The following GNPAT variants were observed in gnomAD, a reference collection of about 807,000 sequenced individuals.
The protein encoded by GNPAT is dihydroxyacetone phosphate acyltransferase.
In GNPAT, 30 loss-of-function variants were observed where a neutral mutation model predicts 78.4. The ratio of observed to expected loss-of-function variants is 0.38; its 90% CI spans 0.29 to 0.52. The LOEUF is 0.52. GNPAT is among the 20% of genes least tolerant of loss of function. The pLI is 0.84. For synonymous variants in GNPAT, 271 were observed against 281.1 expected (o/e 0.96, Z 0.36); for missense variants, 714 against 812.2 (o/e 0.88, Z 1.47).
chr1:231,264,646 T>G (rs967492288), intron 4 of GNPAT, among the ~76,000 whole-genome samples: 6 of 152,232 alleles, frequency 3.9e-5, no homozygotes, highest in African/African-American at 1.4e-4. Context: ...AAAGACTATT[T>G]TAAAACTGCT....
intron 1 of GNPAT, among the ~76,000 whole-genome samples, chr1:231,241,962 C>T (rs1361227634): frequency 1.3e-5 from 2 of 152,238 alleles, no homozygotes; most frequent in African/African-American, 4.8e-5. Context: ...TTTAGAACTT[C>T]TAGACATTTT....
At chr1:231,242,235 G>GT (rs1323598184) in intron 1 of GNPAT, among the ~76,000 whole-genome samples, 2 of 152,088 alleles carry the variant, frequency 1.3e-5, no homozygotes, top group Non-Finnish European at 2.9e-5. Context: ...GTTTCTTGTT[G>GT]TTTTTAACCA....
rs879235776 is a variant in GNPAT at position 231,277,597 on chromosome 1, C to G, written c.*55C>G. ...TCACGTAATTACTCTCATCGAAGGA[C>G]TCATTACAACAAACAGGGAAGTAAA... On this transcript the variant is annotated 3_prime_UTR_variant, in exon 16 of 16. Transcript: ENST00000366647. 1 of 984,260 alleles carries G rather than the reference C, an allele frequency of 1.0e-6. No individual in the cohort carries two copies. Among genetic ancestry groups the G allele is most frequent in the Non-Finnish European group, 1.7e-6 (1 of 604,680 alleles). The allele number at this position is 984,260 out of a possible 1,614,324, so 61.0% of individuals were successfully genotyped here. A position where few individuals can be genotyped will look rare whatever the true frequency, so the allele number is the denominator to read the frequency against.
intron 1 of GNPAT, among the ~76,000 whole-genome samples, chr1:231,245,456 A>G (rs1376907334): frequency 6.6e-6 from 1 of 151,846 alleles, no homozygotes; most frequent in Non-Finnish European, 1.5e-5. Context: ...CTATGTTGCC[A>G]ACCTGGTCTC....
chr1:231,252,056 C>A (rs888894478), intron 2 of GNPAT, among the ~76,000 whole-genome samples: 11 of 152,188 alleles, frequency 7.2e-5, no homozygotes, highest in Non-Finnish European at 1.3e-4. Flanking sequence ...TATCCTAGTA[C>A]AGTGCAAAGA....
Position 231,260,019 on chromosome 1 carries a change from C to T in GNPAT, c.262-488C>T, listed in dbSNP as rs552986972. 3.3e-5 allele frequency among the ~76,000 whole-genome samples: 5 copies of T among 152,328 alleles called. No individual in the cohort carries two copies. In the East Asian group the frequency reaches 7.7e-4, roughly 24 times the overall value. On this transcript the variant is annotated intron_variant, in intron 2 of 15. Transcript: ENST00000366647. ...TTCCGTTGTGAGATTCTTTATTTCA[C>T]TAATTATCCTTTGATAGCTTGGGAC...
chr1:231,253,607 G>A (rs1228078269), intron 2 of GNPAT, among the ~76,000 whole-genome samples: 3 of 152,186 alleles, frequency 2.0e-5, no homozygotes, highest in Non-Finnish European at 4.4e-5. Context: ...ATATCCTGGA[G>A]AGGCTATCAG....
chr1:231,252,651 G>T (rs748469680), intron 2 of GNPAT, among the ~76,000 whole-genome samples: 3 of 151,820 alleles, frequency 2.0e-5, no homozygotes, highest in Admixed American at 1.3e-4. Flanking sequence ...TTTTTTTCCT[G>T]GTCAGAAGAG....
intron 2 of GNPAT, among the ~76,000 whole-genome samples, chr1:231,253,611 C>CT (rs941765888): frequency 6.6e-6 from 1 of 152,144 alleles, no homozygotes; most frequent in African/African-American, 2.4e-5. Flanking sequence ...CCTGGAGAGG[C>CT]TATCAGTTTT....
intron 2 of GNPAT, among the ~76,000 whole-genome samples, chr1:231,254,657 T>A (rs1306710645): frequency 6.6e-6 from 1 of 151,330 alleles, no homozygotes; most frequent in Non-Finnish European, 1.5e-5. Flanking sequence ...ACCTTGTTAG[T>A]CAGGATGGTC....
chr1:231,258,622 A>ATTTTTTTTTT (rs748666053), intron 2 of GNPAT, among the ~76,000 whole-genome samples: 3 of 73,762 alleles, frequency 4.1e-5, no homozygotes, highest in African/African-American at 5.9e-5. Context: ...TTTTAATGCA[A>ATTTTTTTTTT]TTTTTTTTTT....
chr1:231,260,993 T>A (rs1486112610), intron 3 of GNPAT, among the ~76,000 whole-genome samples: 4 of 152,154 alleles, frequency 2.6e-5, no homozygotes, highest in Admixed American at 6.5e-5. Context: ...ACAAAAGAAA[T>A]ACAAAGAATT....
Position 231,272,364 on chromosome 1 carries a change from C to T in GNPAT, c.1575C>T (p.Phe525=). 1 of 1,588,062 alleles carries T rather than the reference C, an allele frequency of 6.3e-7. No homozygotes were observed. Among genetic ancestry groups the T allele is most frequent in the Non-Finnish European group, 8.6e-7 (1 of 1,157,094 alleles). The stretch of plus-strand genomic sequence containing the variant: ...TACGTGATGTTTTTGCAGATGAGTT[C>T]ATCTTCCTTCCAGGAAACACACTAA... The part of the protein sequence containing the change: ...RFLRDVFADE[F]IFLPGNTLKD... Residue 525 remains phenylalanine, a synonymous_variant, in exon 11 of 16, where the codon TTC becomes TTT. Transcript: ENST00000366647.
At chr1:231,247,351 G>T (rs982026296) in intron 1 of GNPAT, among the ~76,000 whole-genome samples, 1 of 152,140 alleles carries the variant, frequency 6.6e-6, no homozygotes, top group Non-Finnish European at 1.5e-5. Context: ...AAATGTATAG[G>T]ACACCTTATC....
At chr1:231,253,032 G>A (rs937688179) in intron 2 of GNPAT, among the ~76,000 whole-genome samples, 3 of 152,022 alleles carry the variant, frequency 2.0e-5, no homozygotes, top group Admixed American at 6.6e-5. Flanking sequence ...GCAGTATCGC[G>A]ATCTCGGCTC....
rs746983139 is a variant in GNPAT, at chr1:231,273,918, C to T, written c.1603-4C>T. The T allele has an allele frequency of 3.7e-6, 6 of 1,612,216 alleles. No individual in the cohort carries two copies. The highest frequency in any genetic ancestry group is 8.5e-7 in the Non-Finnish European group (1 of 1,178,510). ...GAACATTATGGCTTCCTCTTCCCTT[C>T]TAGGACTTTGAAGAAGGCTGTTACC... is the stretch of plus-strand genomic sequence containing the variant. On this transcript the variant is annotated splice_polypyrimidine_tract_variant and splice_region_variant and intron_variant, in intron 11 of 15. Coordinates refer to ENST00000366647, the MANE Select transcript of GNPAT (RefSeq NM_014236.4).
intron 9 of GNPAT, among the ~76,000 whole-genome samples, 187 bp downstream of exon 9, chr1:231,268,090 C>T (rs1461952882): frequency 3.9e-5 from 6 of 152,058 alleles, no homozygotes. Context: ...ATCACGAGGT[C>T]AGGAGATTGA....
chr1:231,255,647 C>T (rs551760397), intron 2 of GNPAT, among the ~76,000 whole-genome samples: 6 of 152,186 alleles, frequency 3.9e-5, no homozygotes, highest in African/African-American at 1.4e-4. Flanking sequence ...GTTGCCCAGG[C>T]TGAGCTTGAA....
intron 9 of GNPAT, 116 bp downstream of exon 9, chr1:231,268,019 C>T: frequency 1.3e-6 from 1 of 757,790 alleles, no homozygotes; most frequent in Non-Finnish European, 2.3e-6. Context: ...AGAGAAAGGA[C>T]AGGCCGGGCG....
Sources: gnomAD v4.1 joint callset for allele counts (sites outside exome capture counted in the v4.1 genomes callset) on GRCh38, gnomAD v4.1.1 for gene constraint, MANE v1.5 for transcripts, NCBI Gene and HGNC (gene_info 2026-07-23, HGNC 2026-07-21) for gene names.